DNAH6: variants seen among roughly 807,000 people sequenced by gnomAD.
DNAH6 encodes the protein dynein axonemal heavy chain 6, also known as axonemal beta dynein heavy chain 6.
Under a neutral mutation model 491.4 loss-of-function variants are expected in DNAH6, and 340 were observed. That is an observed-to-expected ratio of 0.69 (90% CI 0.63 to 0.76). The LOEUF (loss-of-function observed/expected upper bound fraction) is 0.76. Among genes scored for constraint, DNAH6 ranks in the 30% least tolerant of loss-of-function variants. The pLI is 0.00. For missense variants in DNAH6, 4,443 were observed against 4,972.2 expected, an observed-to-expected ratio of 0.89 and a Z score of 3.20; for synonymous variants, 1,603 against 1,686.1, an observed-to-expected ratio of 0.95 and a Z score of 1.21.
At chr2:84,712,165 A>G (rs920279610) in intron 56 of DNAH6, among the ~76,000 whole-genome samples, 11 of 152,234 alleles carry the variant, frequency 7.2e-5, no homozygotes, top group African/African-American at 2.7e-4. Flanking sequence ...GTCTCCACCC[A>G]TTCATGAGTA....
intron 4 of DNAH6, among the ~76,000 whole-genome samples, chr2:84,533,835 C>G (rs1464251215): frequency 6.6e-6 from 1 of 152,110 alleles, no homozygotes; most frequent in Non-Finnish European, 1.5e-5. Context: ...TCAAGAAATT[C>G]TGGATCCATA....
At chr2:84,503,461 T>C in the DNAH6 span, among the ~76,000 whole-genome samples, 1 of 152,140 alleles carries the variant, frequency 6.6e-6, no homozygotes. Context: ...GTTATAATAT[T>C]CTGATTTTTT....
chr2:84,642,295 G>A (rs1354046961), intron 33 of DNAH6, among the ~76,000 whole-genome samples: 1 of 152,058 alleles, frequency 6.6e-6, no homozygotes, highest in Non-Finnish European at 1.5e-5. Context: ...GTACAACTTA[G>A]CATTTGGCCA....
chr2:84,568,290 A>G (rs753119371), intron 11 of DNAH6, among the ~76,000 whole-genome samples: 3 of 152,322 alleles, frequency 2.0e-5, no homozygotes, highest in African/African-American at 7.2e-5. Context: ...TTGCAGGACT[A>G]TTCACAATCA....
chr2:84,496,417 C>T, the DNAH6 span, among the ~76,000 whole-genome samples: 255 of 152,224 alleles, frequency 1.7e-3, no homozygotes, highest in Middle Eastern at 3.4e-3. Flanking sequence ...ATATTCTGGG[C>T]TTACAAAAAT....
intron 4 of DNAH6, among the ~76,000 whole-genome samples, chr2:84,534,318 T>A: frequency 6.6e-6 from 1 of 152,106 alleles, no homozygotes; most frequent in Middle Eastern, 3.2e-3. Context: ...AATTTTCTTT[T>A]TCTAATATTT....
At chr2:84,580,754 A>G (rs959513174) in intron 14 of DNAH6, among the ~76,000 whole-genome samples, 2 of 44,100 alleles carry the variant, frequency 4.5e-5, no homozygotes, top group Non-Finnish European at 2.0e-4. Context: ...AAGCCACTTC[A>G]AACAAATAAC....
intron 63 of DNAH6, among the ~76,000 whole-genome samples, chr2:84,758,430 A>G (rs1480969661): frequency 1.3e-5 from 2 of 152,208 alleles, no homozygotes; most frequent in African/African-American, 2.4e-5. Flanking sequence ...CTATGAGGCC[A>G]GTATTATCCT....
intron 2 of DNAH6, among the ~76,000 whole-genome samples, chr2:84,524,724 A>T (rs1020597415): frequency 2.0e-5 from 3 of 152,060 alleles, no homozygotes; most frequent in Non-Finnish European, 4.4e-5. Flanking sequence ...CATTAATCTT[A>T]ACATCATTTT....
At position 84,685,693 on chromosome 2, in the gene DNAH6, G is replaced by A. The variant is rs78158111; in HGVS notation, c.7063+221G>A. Among the ~76,000 whole-genome samples, 701 of 152,176 alleles carry A rather than the reference G, an allele frequency of 4.6e-3. 8 individuals are homozygous for A. The highest frequency in any genetic ancestry group is 0.016 in the African/African-American group (685 of 41,534). On this transcript the variant is annotated intron_variant, in intron 43 of 76. Coordinates refer to ENST00000389394, the MANE Select transcript of DNAH6 (RefSeq NM_001370.2). The stretch of plus-strand genomic sequence containing the variant: ...CAGTCGGGCATGGTGGCTCATGCCT[G>A]TAATCCCAGTACTTTCGGTGGCTGG...
At chr2:84,555,252 C>A (rs2104583667) in intron 10 of DNAH6, among the ~76,000 whole-genome samples, 1 of 152,272 alleles carries the variant, frequency 6.6e-6, no homozygotes, top group Admixed American at 6.5e-5. Flanking sequence ...TTTCCTAATA[C>A]TTGATTCAAT....
chr2:84,485,918 TC>T, the DNAH6 span, among the ~76,000 whole-genome samples: 2 of 151,602 alleles, frequency 1.3e-5, no homozygotes, highest in East Asian at 3.9e-4. Context: ...AACTCCAACC[TC>T]CTAAATTGAT....
In DNAH6 at chr2:84,812,370, C is replaced by T. The variant is rs760648822; in HGVS notation, c.11769C>T (p.Ile3923=). 10 of 1,551,838 alleles carry T rather than the reference C, an allele frequency of 6.4e-6. No homozygotes were observed. Among genetic ancestry groups the T allele is most frequent in the African/African-American group, 2.7e-5 (2 of 73,050 alleles). ...HTSLETLNKA[I]AGFVVMSEEM... ...CTCTGGAAACACTCAACAAAGCCAT[C>T]GCTGGATTTGTGGTGATGTCTGAAG... The change falls in exon 73 of 77, where the codon ATC becomes ATT. Residue 3923 remains isoleucine, a synonymous_variant. Coordinates refer to ENST00000389394, the MANE Select transcript of DNAH6 (RefSeq NM_001370.2).
At chr2:84,789,783 A>C (rs1003397228) in intron 68 of DNAH6, among the ~76,000 whole-genome samples, 4 of 152,198 alleles carry the variant, frequency 2.6e-5, no homozygotes, top group African/African-American at 7.2e-5. Flanking sequence ...ATCAAACTAG[A>C]GCACTTTTAC....
the DNAH6 span, among the ~76,000 whole-genome samples, chr2:84,488,032 TG>T: frequency 6.6e-6 from 1 of 152,190 alleles, no homozygotes; most frequent in African/African-American, 2.4e-5. Context: ...AGTCTACTTT[TG>T]TACTCAGTTT....
chr2:84,793,280 T>C (rs1677962255), intron 68 of DNAH6, among the ~76,000 whole-genome samples: 1 of 152,072 alleles, frequency 6.6e-6, no homozygotes, highest in Non-Finnish European at 1.5e-5. Flanking sequence ...GCCAGAAGAC[T>C]CCTTCTTGAA....
intron 70 of DNAH6, among the ~76,000 whole-genome samples, chr2:84,801,787 G>A (rs1678943678): frequency 6.6e-6 from 1 of 151,602 alleles, no homozygotes. Flanking sequence ...AGGAGGCTGA[G>A]ACAGGAGAAT....
At chr2:84,754,024 A>G (rs1247986847) in intron 63 of DNAH6, among the ~76,000 whole-genome samples, 5 of 151,538 alleles carry the variant, frequency 3.3e-5, no homozygotes, top group Non-Finnish European at 7.4e-5. Context: ...GGGGTTTACC[A>G]TGTTGGCCAG....
At chr2:84,513,119 T>G (rs1226928691), upstream of DNAH6, among the ~76,000 whole-genome samples, 1 of 152,138 alleles carries the variant, frequency 6.6e-6, no homozygotes, top group African/African-American at 2.4e-5. Flanking sequence ...TATTTTTTTT[T>G]AGTTATTTTC....
Sources: allele counts gnomAD v4.1 joint callset (sites outside exome capture counted in the v4.1 genomes callset), GRCh38; gene constraint gnomAD v4.1.1; transcripts MANE v1.5; gene names NCBI Gene and HGNC (gene_info 2026-07-23, HGNC 2026-07-21).